Variants in ROBO1 observed in about 807,000 individuals in gnomAD.
The protein encoded by ROBO1 is roundabout guidance receptor 1, also known as roundabout homolog 1.
In ROBO1, 149 loss-of-function variants were observed where a neutral mutation model predicts 195.9. The ratio of observed to expected loss-of-function variants is 0.76; its 90% CI spans 0.67 to 0.87. The LOEUF (loss-of-function observed/expected upper bound fraction) is 0.87. Ranked by LOEUF, ROBO1 falls within the 40% of genes least tolerant of loss-of-function variation. The probability of loss-of-function intolerance (pLI) is 0.00; values close to 1 mark genes in which losing one functional copy is unlikely to be tolerated. For missense variants in ROBO1, 1,933 were observed against 2,068.3 expected, an observed-to-expected ratio of 0.93 and a Z score of 1.27; for synonymous variants, 816 against 733.2, an observed-to-expected ratio of 1.11 and a Z score of -1.82.
chr3:78,949,683 C>T (rs537454904), intron 3 of ROBO1, among the ~76,000 whole-genome samples: 2,755 of 152,050 alleles, frequency 0.018, 95 homozygotes, highest in African/African-American at 0.063. Context: ...AACTAAAGAG[C>T]TTCTGCACAG....
Position 79,518,751 on chromosome 3 carries a change from G to GCTCAC in ROBO1, c.88+71068_88+71072dup, listed in dbSNP as rs557804041. On this transcript the variant is annotated intron_variant, in intron 2 of 30. Transcript: ENST00000464233. ...GCTGGAGTGCAATGGTGCGATCTCG[G>GCTCAC]CTCACTGCCTCCCGGGTTCAAGCAA... 3.0e-3 allele frequency among the ~76,000 whole-genome samples: 453 copies of GCTCAC among 151,768 alleles called. 3 individuals carry two copies. The highest frequency in any genetic ancestry group is 0.01 in the African/African-American group (426 of 41,388).
intron 2 of ROBO1, among the ~76,000 whole-genome samples, chr3:79,308,662 T>C (rs1456719209): frequency 6.6e-6 from 1 of 152,168 alleles, no homozygotes. Context: ...TCTGATAAAA[T>C]GAGGCTTGAA....
At chr3:79,408,236 A>T (rs866489386) in intron 2 of ROBO1, among the ~76,000 whole-genome samples, 25 of 62,638 alleles carry the variant, frequency 4.0e-4, no homozygotes, top group African/African-American at 7.2e-4. Context: ...TAAAAAAAAT[A>T]AAAAAAATTA....
chr3:79,058,431 G>T (rs896151933), intron 3 of ROBO1, among the ~76,000 whole-genome samples: 57 of 152,000 alleles, frequency 3.8e-4, no homozygotes, highest in Middle Eastern at 3.2e-3. Context: ...CCCATTCTGA[G>T]CCCAGAACAC....
At chr3:78,657,349 G>A (rs558325373) in intron 17 of ROBO1, 80 bp from the exon 18 acceptor site, 1 of 1,434,532 alleles carries the variant, frequency 7.0e-7, no homozygotes, top group African/African-American at 1.4e-5. Context: ...TGCAGTTTTA[G>A]ACCCAGACAG....
At chr3:79,114,975 T>C (rs1315520780) in intron 3 of ROBO1, among the ~76,000 whole-genome samples, 1 of 152,210 alleles carries the variant, frequency 6.6e-6, no homozygotes, top group Non-Finnish European at 1.5e-5. Context: ...AGTCATAGCA[T>C]AGACCACCTA....
intron 3 of ROBO1, among the ~76,000 whole-genome samples, chr3:79,056,939 AT>A (rs1227252849): frequency 1.1e-4 from 16 of 152,202 alleles, no homozygotes; most frequent in Non-Finnish European, 1.0e-4. Flanking sequence ...AAATTTCTGG[AT>A]TTGATCCGAA....
chr3:79,681,258 T>C (rs544007891), intron 1 of ROBO1, among the ~76,000 whole-genome samples: 1 of 152,014 alleles, frequency 6.6e-6, no homozygotes, highest in African/African-American at 2.4e-5. Context: ...TTCCAAAGAA[T>C]GGAATGGAGG....
At chr3:79,163,981 T>C (rs770987064) in intron 2 of ROBO1, among the ~76,000 whole-genome samples, 5 of 152,172 alleles carry the variant, frequency 3.3e-5, no homozygotes, top group Non-Finnish European at 7.4e-5. Context: ...TGTAAAAATG[T>C]ACCAGTAAGA....
At chr3:79,150,491 C>G (rs1325791823) in intron 2 of ROBO1, among the ~76,000 whole-genome samples, 1 of 151,462 alleles carries the variant, frequency 6.6e-6, no homozygotes, top group Non-Finnish European at 1.5e-5. Flanking sequence ...AATATTATGG[C>G]AGGTAGGAAA....
intron 4 of ROBO1, among the ~76,000 whole-genome samples, chr3:78,840,358 C>G (rs1195997191): frequency 1.3e-5 from 2 of 152,156 alleles, no homozygotes; most frequent in Non-Finnish European, 2.9e-5. Context: ...ATCAAATTAT[C>G]TGAATCTGGA....
intron 4 of ROBO1, among the ~76,000 whole-genome samples, chr3:78,884,587 GAGAA>G (rs1346250878): frequency 6.2e-5 from 9 of 146,130 alleles, no homozygotes; most frequent in South Asian, 2.2e-4. Context: ...GAGAGAAAGG[GAGAA>G]AGAAAGAAAG....
chr3:79,687,649 G>A (rs185416482), intron 1 of ROBO1, among the ~76,000 whole-genome samples: 23 of 152,260 alleles, frequency 1.5e-4, no homozygotes, highest in African/African-American at 4.8e-4. Flanking sequence ...TCAAAGAAAT[G>A]CAAATCAAAA....
intron 1 of ROBO1, among the ~76,000 whole-genome samples, chr3:79,750,261 C>T (rs1267032056): frequency 2.0e-5 from 3 of 152,204 alleles, no homozygotes; most frequent in Non-Finnish European, 1.5e-5. Context: ...TTACCCAATG[C>T]CTGTACTTCC....
intron 2 of ROBO1, among the ~76,000 whole-genome samples, chr3:79,135,644 T>C (rs776130428): frequency 6.6e-5 from 10 of 152,004 alleles, no homozygotes; most frequent in Non-Finnish European, 1.5e-4. Flanking sequence ...AATCTTCTTT[T>C]TTTTTTTTTT....
At chr3:79,562,161 T>C (rs1441835315) in intron 2 of ROBO1, among the ~76,000 whole-genome samples, 2 of 152,142 alleles carry the variant, frequency 1.3e-5, no homozygotes, top group African/African-American at 4.8e-5. Context: ...AAATGTTCTG[T>C]CTATATAGTC....
chr3:79,644,122 A>G (rs1158239432), intron 1 of ROBO1, among the ~76,000 whole-genome samples: 2 of 152,180 alleles, frequency 1.3e-5, no homozygotes, highest in Non-Finnish European at 2.9e-5. Context: ...TGGTAACTAT[A>G]TCATGATAAA....
At position 79,431,158 on chromosome 3, in the gene ROBO1, C is replaced by T. The variant is rs538689366; in HGVS notation, c.88+158666G>A. On this transcript the variant is annotated intron_variant, in intron 2 of 30. Coordinates refer to ENST00000464233, the MANE Select transcript of ROBO1 (RefSeq NM_002941.4). Reference sequence around the variant, plus strand: ...TATGTCAGTGTCTTGTCACCAGCAACTTGGCATGAGGGCCAGTTGCGTTAG... The same window carrying T: ...TATGTCAGTGTCTTGTCACCAGCAATTTGGCATGAGGGCCAGTTGCGTTAG... 2.6e-5 allele frequency among the ~76,000 whole-genome samples: 4 copies of T among 152,258 alleles called. 1 individual carries two copies. In the South Asian group the frequency reaches 8.3e-4, roughly 32 times the overall value.
Position 79,603,914 on chromosome 3 carries a change from A to G in ROBO1, c.-50-13953T>C, listed in dbSNP as rs111623800. 3.0e-3 allele frequency among the ~76,000 whole-genome samples: 459 copies of G among 152,134 alleles called. 4 individuals carry two copies. Among genetic ancestry groups the G allele is most frequent in the African/African-American group, 9.5e-3 (396 of 41,554 alleles). ...AAAAAGAGAAAGTAACATAAAACAA[A>G]ACAATGCATTCCAGTTACCAAAGGA... On this transcript the variant is annotated intron_variant, in intron 1 of 30. Transcript: ENST00000464233.
Sources: gnomAD v4.1 joint callset for allele counts (sites outside exome capture counted in the v4.1 genomes callset) on GRCh38, gnomAD v4.1.1 for gene constraint, MANE v1.5 for transcripts, NCBI Gene and HGNC (gene_info 2026-07-23, HGNC 2026-07-21) for gene names.